The following DPP6 variants were observed in gnomAD, a reference collection of about 807,000 sequenced individuals.
DPP6 encodes dipeptidyl peptidase like 6.
A neutral mutation model predicts 122.6 loss-of-function variants in DPP6; 69 were observed. The observed-to-expected ratio is 0.56, with a 90% confidence interval of 0.46 to 0.69. The LOEUF (loss-of-function observed/expected upper bound fraction) is 0.69. Ranked by LOEUF, DPP6 falls within the 30% of genes least tolerant of loss-of-function variation. DPP6 has a pLI of 0.00. For missense variants in DPP6, 928 were observed against 1,116.9 expected (o/e 0.83, Z 2.41); for synonymous variants, 418 against 433.1 (o/e 0.97, Z 0.43).
chr7:154,315,445 A>C (rs965707870), intron 1 of DPP6, among the ~76,000 whole-genome samples: 2 of 151,920 alleles, frequency 1.3e-5, no homozygotes, highest in Non-Finnish European at 1.5e-5. Flanking sequence ...AAATCCCTAC[A>C]ATTTTTTGAG....
At chr7:153,885,552 T>G (rs1001031019), upstream of DPP6, among the ~76,000 whole-genome samples, 2 of 152,176 alleles carry the variant, frequency 1.3e-5, no homozygotes, top group African/African-American at 4.8e-5. Context: ...ACAAAGCATC[T>G]GCTTGCACCT....
chr7:154,879,264 G>A (rs1442199098), intron 20 of DPP6, among the ~76,000 whole-genome samples: 1 of 151,764 alleles, frequency 6.6e-6, no homozygotes, highest in Non-Finnish European at 1.5e-5. Flanking sequence ...TGGCCAACAT[G>A]GTGAAACCCC....
chr7:154,757,587 T>C (rs1795212927), intron 8 of DPP6, among the ~76,000 whole-genome samples: 1 of 152,188 alleles, frequency 6.6e-6, no homozygotes, highest in Non-Finnish European at 1.5e-5. Flanking sequence ...CCATTTTTGC[T>C]CAGATTTCTG....
chr7:154,304,798 C>T (rs1806146816), intron 1 of DPP6, among the ~76,000 whole-genome samples: 1 of 152,226 alleles, frequency 6.6e-6, no homozygotes, highest in Admixed American at 6.5e-5. Flanking sequence ...CCCCTTCCTT[C>T]TCAAACACGC....
At chr7:154,774,280 A>T (rs977099230) in intron 10 of DPP6, among the ~76,000 whole-genome samples, 4 of 146,890 alleles carry the variant, frequency 2.7e-5, no homozygotes, top group Admixed American at 6.7e-5. Context: ...GCTGAGATTT[A>T]AAAAAAAAAG....
chr7:154,194,002 A>G (rs915308813), intron 1 of DPP6, among the ~76,000 whole-genome samples: 1 of 152,174 alleles, frequency 6.6e-6, no homozygotes, highest in Non-Finnish European at 1.5e-5. Flanking sequence ...ATCGTGCCCA[A>G]TTTTAATTAG....
the DPP6 span, among the ~76,000 whole-genome samples, chr7:153,790,012 A>G: frequency 6.6e-6 from 1 of 152,036 alleles, no homozygotes; most frequent in Non-Finnish European, 1.5e-5. Flanking sequence ...TACAAAATGA[A>G]TAAATAATTT....
intron 8 of DPP6, among the ~76,000 whole-genome samples, chr7:154,763,376 GAA>G (rs1477479125): frequency 4.0e-4 from 56 of 138,802 alleles, no homozygotes; most frequent in Non-Finnish European, 7.5e-4. Flanking sequence ...GAGAGAGAGA[GAA>G]AGAAAGAAAG....
At chr7:154,538,543 G>A (rs747022494) in intron 3 of DPP6, among the ~76,000 whole-genome samples, 13 of 152,126 alleles carry the variant, frequency 8.5e-5, no homozygotes, top group South Asian at 2.1e-4. Flanking sequence ...CTTGGAACTC[G>A]TGAGGGGGTG....
At chr7:154,343,747 A>G (rs7810642) in intron 1 of DPP6, among the ~76,000 whole-genome samples, 10,976 of 152,046 alleles carry the variant, frequency 0.072, 1,217 homozygotes, top group African/African-American at 0.24. Flanking sequence ...TGCCTAGCTA[A>G]TTTTTGTATT....
At chr7:154,281,256 G>A (rs886980109) in intron 1 of DPP6, among the ~76,000 whole-genome samples, 9 of 151,930 alleles carry the variant, frequency 5.9e-5, no homozygotes, top group South Asian at 2.1e-4. Flanking sequence ...CAAGTGATCC[G>A]CCCGCTTCGA....
rs531611817 is a variant in DPP6, at chr7:154,475,942, G to C, written c.457+905G>C. The C allele has an allele frequency of 3.9e-5, 6 of 152,384 alleles. No individual in the cohort carries two copies. The East Asian group carries it at 1.2e-3, about 29-fold the overall frequency. The allele number at this position is 152,384 out of a possible 1,614,324, so 9.4% of individuals were successfully genotyped here. A position where few individuals can be genotyped will look rare whatever the true frequency, so the allele number is the denominator to read the frequency against. On this transcript the variant is annotated intron_variant, in intron 3 of 25. Coordinates refer to ENST00000377770, the MANE Select transcript of DPP6 (RefSeq NM_130797.4). ...CTGAGGTCACAGAGCTGATGAGTGC[G>C]AGCTGTGGCTAGCAGCCCGTCCCCT...
At chr7:154,349,302 A>G (rs984281718) in intron 1 of DPP6, among the ~76,000 whole-genome samples, 1 of 152,130 alleles carries the variant, frequency 6.6e-6, no homozygotes, top group Non-Finnish European at 1.5e-5. Flanking sequence ...CAGCCTCCCA[A>G]GTAGCTGGGA....
chr7:154,244,451 A>G (rs12671446), intron 1 of DPP6, among the ~76,000 whole-genome samples: 5,697 of 152,284 alleles, frequency 0.037, 191 homozygotes, highest in East Asian at 0.14. Context: ...TATGACATGA[A>G]GGATACCAAA....
intron 7 of DPP6, among the ~76,000 whole-genome samples, chr7:154,683,517 A>G (rs182441139): frequency 1.2e-3 from 178 of 152,278 alleles, no homozygotes; most frequent in Non-Finnish European, 1.9e-3. Flanking sequence ...CCTCATGCCT[A>G]GGTTCCTGTA....
intron 4 of DPP6, among the ~76,000 whole-genome samples, chr7:154,565,527 CT>C (rs966354603): frequency 3.3e-5 from 5 of 151,616 alleles, no homozygotes; most frequent in South Asian, 4.2e-4. Flanking sequence ...TATGATGTCA[CT>C]TTTTTTTTCT....
chr7:154,286,233 A>C (rs1585832521), intron 1 of DPP6, among the ~76,000 whole-genome samples: 1 of 151,626 alleles, frequency 6.6e-6, no homozygotes, highest in Non-Finnish European at 1.5e-5. Flanking sequence ...AGAAAAATTG[A>C]CCCCGAGATC....
chr7:154,117,372 T>G (rs1381537584), intron 1 of DPP6, among the ~76,000 whole-genome samples: 1 of 152,210 alleles, frequency 6.6e-6, no homozygotes, highest in African/African-American at 2.4e-5. Flanking sequence ...CAGTCCTGTC[T>G]TGTTCTTCTC....
intron 6 of DPP6, among the ~76,000 whole-genome samples, chr7:154,661,689 T>C (rs1837670821): frequency 1.4e-5 from 2 of 144,410 alleles, no homozygotes; most frequent in South Asian, 4.5e-4. Context: ...CTAGTATTCA[T>C]ATAGTCATGG....
Sources: gnomAD v4.1 joint callset for allele counts (sites outside exome capture counted in the v4.1 genomes callset) on GRCh38, gnomAD v4.1.1 for gene constraint, MANE v1.5 for transcripts, NCBI Gene and HGNC (gene_info 2026-07-23, HGNC 2026-07-21) for gene names.